The following AKR1C3 variants were observed in gnomAD, a reference collection of about 807,000 sequenced individuals.
AKR1C3 encodes aldo-keto reductase family 1 member C3, also known as 3-alpha hydroxysteroid dehydrogenase, type II.
In AKR1C3, 48 loss-of-function variants were observed where a neutral mutation model predicts 43.6. That is an observed-to-expected ratio of 1.10 (90% CI 0.87 to 1.40). The LOEUF is 1.40. Among genes scored for constraint, AKR1C3 ranks in the 40% most tolerant of loss-of-function variants. The probability of loss-of-function intolerance (pLI) is 0.00; values close to 1 mark genes in which losing one functional copy is unlikely to be tolerated. For synonymous variants in AKR1C3, 162 were observed against 139.6 expected (o/e 1.16, Z -1.13); for missense variants, 482 against 391.2 (o/e 1.23, Z -1.96).
intron 1 of AKR1C3, among the ~76,000 whole-genome samples, chr10:5,060,025 T>C (rs1202978430): frequency 1.3e-5 from 2 of 152,208 alleles, no homozygotes; most frequent in Admixed American, 1.3e-4. Flanking sequence ...GGAGTGAAGC[T>C]GCAGACCTTT....
chr10:5,091,001 C>T (rs1321927479), upstream of AKR1C3, among the ~76,000 whole-genome samples: 5 of 151,780 alleles, frequency 3.3e-5, no homozygotes, highest in Admixed American at 2.6e-4. Flanking sequence ...ATGATGGAGG[C>T]AAGAGTCAGA....
intron 1 of AKR1C3, among the ~76,000 whole-genome samples, chr10:5,060,462 C>T (rs1240509799): frequency 1.3e-5 from 2 of 152,134 alleles, no homozygotes; most frequent in South Asian, 2.1e-4. Flanking sequence ...TACAGAGTGT[C>T]GATTGGTGCA....
chr10:5,101,874 G>A (rs1554786057), intron 5 of AKR1C3, among the ~76,000 whole-genome samples: 1 of 152,136 alleles, frequency 6.6e-6, no homozygotes, highest in Non-Finnish European at 1.5e-5. Flanking sequence ...TTGGAAGCCA[G>A]GATCTGATTC....
intron 1 of AKR1C3, among the ~76,000 whole-genome samples, chr10:5,079,249 C>T (rs1838779066): frequency 6.6e-6 from 1 of 152,132 alleles, no homozygotes; most frequent in Admixed American, 6.5e-5. Context: ...AACTGAGGAG[C>T]TCATGGTGCA....
At chr10:5,050,175 C>T (rs1390499237) in intron 1 of AKR1C3, among the ~76,000 whole-genome samples, 2 of 152,200 alleles carry the variant, frequency 1.3e-5, no homozygotes, top group African/African-American at 2.4e-5. Context: ...CCTGTCAATT[C>T]GGTGTCTTTA....
chr10:5,097,502 A>G lies in AKR1C3; in HGVS notation c.321A>G (p.Gln107=), dbSNP rs140441894. The change falls in exon 3 of 9, where the codon CAA becomes CAG. Residue 107 remains glutamine (Q), a synonymous_variant. Coordinates refer to ENST00000380554, the MANE Select transcript of AKR1C3 (RefSeq NM_003739.6). ...TGGAAAACTCACTGAAGAAAGCTCA[A>G]TTGGACTATGTTGACCTCTATCTTA... ...PALENSLKKA[Q]LDYVDLYLIH... is the part of the protein sequence containing the mutation. The G allele has an allele frequency of 3.6e-4, 576 of 1,613,724 alleles. 4 individuals carry two copies. The highest frequency in any genetic ancestry group is 3.3e-4 in the Middle Eastern group (2 of 6,084).
At chr10:5,052,137 G>T (rs116511384) in intron 1 of AKR1C3, among the ~76,000 whole-genome samples, 1 of 152,070 alleles carries the variant, frequency 6.6e-6, no homozygotes, top group African/African-American at 2.4e-5. Context: ...GTGCATGGTC[G>T]CGTTGGCTCA....
intron 1 of AKR1C3, among the ~76,000 whole-genome samples, chr10:5,089,334 G>A (rs949434123): frequency 6.6e-6 from 1 of 151,190 alleles, no homozygotes; most frequent in African/African-American, 2.4e-5. Context: ...CTTCTACTAT[G>A]TTTTTCAAAC....
At chr10:5,091,343 C>T (rs1839084906), upstream of AKR1C3, among the ~76,000 whole-genome samples, 1 of 152,144 alleles carries the variant, frequency 6.6e-6, no homozygotes, top group Non-Finnish European at 1.5e-5. Context: ...TCTCGAAGTT[C>T]TGGAGACTAG....
At chr10:5,056,901 T>C (rs1358886791) in intron 1 of AKR1C3, among the ~76,000 whole-genome samples, 2 of 152,214 alleles carry the variant, frequency 1.3e-5, no homozygotes, top group African/African-American at 4.8e-5. Flanking sequence ...ATTCCTCGGA[T>C]GGTAACAGAC....
rs561699319 is a variant in AKR1C3 at position 5,102,229 on chromosome 10, C to T, written c.680+19C>T. 2 of 1,601,426 alleles carry T rather than the reference C, an allele frequency of 1.2e-6. No individual in the cohort carries two copies. Among genetic ancestry groups the T allele is most frequent in the Admixed American group, 3.3e-5 (2 of 59,724 alleles). On this transcript the variant is annotated intron_variant, in intron 6 of 8. Transcript: ENST00000380554. The stretch of plus-strand genomic sequence containing the variant: ...AACGATGGTAATAAAAACAATGGGA[C>T]CTTTACATAAACCTTCATTTTGCAG...
At chr10:5,080,251 C>T (rs1046467485) in intron 1 of AKR1C3, among the ~76,000 whole-genome samples, 1 of 152,072 alleles carries the variant, frequency 6.6e-6, no homozygotes, top group Non-Finnish European at 1.5e-5. Flanking sequence ...TGTTAAAAAT[C>T]GTGTTGAGAA....
chr10:5,101,956 G>A (rs1839361714), intron 5 of AKR1C3, 145 bp from the exon 6 acceptor site: 1 of 566,436 alleles, frequency 1.8e-6, no homozygotes, highest in Non-Finnish European at 3.1e-6. Context: ...TTATTTCTAT[G>A]AAAAAGGTTA....
chr10:5,079,283 T>C (rs1453355280), intron 1 of AKR1C3, among the ~76,000 whole-genome samples: 1 of 152,174 alleles, frequency 6.6e-6, no homozygotes, highest in Non-Finnish European at 1.5e-5. Context: ...AGACTTGTCA[T>C]ACAGGGTGCA....
At chr10:5,055,760 T>C (rs531420778) in intron 1 of AKR1C3, among the ~76,000 whole-genome samples, 185 of 152,322 alleles carry the variant, frequency 1.2e-3, no homozygotes, top group Non-Finnish European at 2.2e-3. Flanking sequence ...TTGAAGGCTG[T>C]TTCTGCCTCT....
intron 1 of AKR1C3, among the ~76,000 whole-genome samples, chr10:5,066,004 G>T (rs1474103955): frequency 1.3e-5 from 2 of 152,164 alleles, no homozygotes; most frequent in African/African-American, 4.8e-5. Flanking sequence ...TTGATGGCCA[G>T]GGGTGGTGTC....
intron 1 of AKR1C3, among the ~76,000 whole-genome samples, chr10:5,087,700 T>C (rs1435942155): frequency 6.6e-6 from 1 of 152,084 alleles, no homozygotes; most frequent in Non-Finnish European, 1.5e-5. Context: ...GTATTGTATT[T>C]TTTTGAATAT....
intron 7 of AKR1C3, among the ~76,000 whole-genome samples, chr10:5,102,857 A>G (rs1263066584): frequency 6.6e-6 from 1 of 152,114 alleles, no homozygotes; most frequent in Non-Finnish European, 1.5e-5. Flanking sequence ...CCAAAAATGG[A>G]GATTTTTTTA....
At chr10:5,093,311 C>A (rs1054507477), upstream of AKR1C3, 3 of 152,010 alleles carry the variant, frequency 2.0e-5, no homozygotes, top group African/African-American at 7.2e-5. Flanking sequence ...GCTGAAATCA[C>A]TCTGTAAAAG....
Sources: allele counts gnomAD v4.1 joint callset (sites outside exome capture counted in the v4.1 genomes callset), GRCh38; gene constraint gnomAD v4.1.1; transcripts MANE v1.5; gene names NCBI Gene and HGNC (gene_info 2026-07-23, HGNC 2026-07-21).